Variants in KDM4C observed in about 807,000 individuals in gnomAD.
The protein encoded by KDM4C is lysine-specific demethylase 4C.
Under a neutral mutation model 129.3 loss-of-function variants are expected in KDM4C, and 81 were observed. That is an observed-to-expected ratio of 0.63 (90% CI 0.52 to 0.75). The LOEUF (loss-of-function observed/expected upper bound fraction) is 0.75, where lower values mean the gene tolerates loss of function less well. Ranked by LOEUF, KDM4C falls within the 30% of genes least tolerant of loss-of-function variation. KDM4C has a pLI of 0.00. For synonymous variants in KDM4C, 573 were observed against 456.1 expected (o/e 1.26, Z -3.26); for missense variants, 1,457 against 1,304.0 (o/e 1.12, Z -1.81).
At chr9:7,072,878 A>G (rs997415701) in intron 17 of KDM4C, among the ~76,000 whole-genome samples, 1 of 152,210 alleles carries the variant, frequency 6.6e-6, no homozygotes, top group Non-Finnish European at 1.5e-5. Context: ...CTTTTGATAC[A>G]TGTATACATT....
Position 6,932,990 on chromosome 9 carries a change from A to G in KDM4C, c.921+39758A>G, listed in dbSNP as rs1824043339. On this transcript the variant is annotated intron_variant, in intron 8 of 21. Transcript: ENST00000381309. Reference sequence around the variant, plus strand: ...GAGCTAATTTAAGAAAAAGCTGTTTATCTTATTGCTGCTTTTTAGGTTGTA... The same window carrying G: ...GAGCTAATTTAAGAAAAAGCTGTTTGTCTTATTGCTGCTTTTTAGGTTGTA... Among the ~76,000 whole-genome samples the G allele has an allele frequency of 3.9e-5, 6 of 152,280 alleles. No individual in the cohort carries two copies. In the South Asian group the frequency reaches 1.2e-3, roughly 32 times the overall value.
chr9:6,760,443 G>C (rs1374907544), intron 1 of KDM4C, among the ~76,000 whole-genome samples: 3 of 103,986 alleles, frequency 2.9e-5, no homozygotes, highest in Non-Finnish European at 1.9e-5. Flanking sequence ...CTCTACTCTT[G>C]GGTATATATA....
chr9:6,900,971 CTT>C (rs36055201), intron 8 of KDM4C, among the ~76,000 whole-genome samples: 1 of 77,002 alleles, frequency 1.3e-5, no homozygotes, highest in African/African-American at 2.9e-5. Context: ...CTTTAGGATT[CTT>C]TTTTTTTTTA....
chr9:7,095,092 G>A (rs994155347), intron 17 of KDM4C, among the ~76,000 whole-genome samples: 1 of 152,202 alleles, frequency 6.6e-6, no homozygotes. Context: ...CATCTAAACT[G>A]TTAAAAAATG....
At chr9:6,818,972 G>C (rs1187437462) in intron 4 of KDM4C, 1 of 152,106 alleles carries the variant, frequency 6.6e-6, no homozygotes, top group Admixed American at 6.6e-5. Context: ...TTGTAACCTG[G>C]CAAATGTTCA....
At chr9:6,867,322 A>G (rs529946963) in intron 5 of KDM4C, among the ~76,000 whole-genome samples, 4 of 152,258 alleles carry the variant, frequency 2.6e-5, no homozygotes, top group South Asian at 2.1e-4. Context: ...CCAGTGCTGC[A>G]TATTTGTTTT....
At chr9:7,065,234 C>A (rs1832260338) in intron 17 of KDM4C, among the ~76,000 whole-genome samples, 1 of 152,042 alleles carries the variant, frequency 6.6e-6, no homozygotes, top group African/African-American at 2.4e-5. Context: ...TGAAATGAAA[C>A]TTCCTTAAAA....
At chr9:6,997,561 G>T (rs756685252) in intron 12 of KDM4C, among the ~76,000 whole-genome samples, 1 of 152,236 alleles carries the variant, frequency 6.6e-6, no homozygotes, top group Non-Finnish European at 1.5e-5. Flanking sequence ...GGCGATTCAT[G>T]CCTCTGGGGC....
intron 8 of KDM4C, among the ~76,000 whole-genome samples, chr9:6,933,727 A>G (rs924033903): frequency 2.0e-5 from 3 of 152,224 alleles, no homozygotes; most frequent in African/African-American, 7.2e-5. Flanking sequence ...ATTTTAGTTA[A>G]GAACATGGAG....
intron 1 of KDM4C, among the ~76,000 whole-genome samples, chr9:6,777,578 T>C (rs977864944): frequency 2.0e-5 from 3 of 152,186 alleles, no homozygotes; most frequent in South Asian, 4.1e-4. Context: ...CCTTTACCTG[T>C]CTAAGACAAG....
At chr9:7,121,683 C>G (rs1839502561) in intron 18 of KDM4C, among the ~76,000 whole-genome samples, 1 of 152,106 alleles carries the variant, frequency 6.6e-6, no homozygotes, top group African/African-American at 2.4e-5. Flanking sequence ...TATCACCAGA[C>G]ATGCTCCAAA....
upstream of KDM4C, among the ~76,000 whole-genome samples, chr9:6,753,829 A>G (rs1818152792): frequency 6.6e-6 from 1 of 152,084 alleles, no homozygotes; most frequent in Admixed American, 6.6e-5. Context: ...GATAAAGGTA[A>G]AGGTAAATAA....
chr9:6,985,617 A>G (rs776075273), intron 10 of KDM4C, among the ~76,000 whole-genome samples: 11 of 152,228 alleles, frequency 7.2e-5, no homozygotes, highest in Non-Finnish European at 1.0e-4. Flanking sequence ...AAGGTAGGGA[A>G]GGGAATTACA....
rs200250958 is a variant in KDM4C at position 6,774,514 on chromosome 9, AAT to A, written c.-18+16312_-18+16313del. On this transcript the variant is annotated intron_variant, in intron 1 of 21. Transcript: ENST00000381309. ...ACCCTGTCTCTACTAAAAATACAAA[AAT>A]TAGCCAGGTGTGGTGGCACACACCC... is the stretch of plus-strand genomic sequence containing the variant. 6.8e-3 allele frequency among the ~76,000 whole-genome samples: 1,042 copies of A among 152,130 alleles called. 40 individuals are homozygous for A. Among genetic ancestry groups the A allele is most frequent in the Admixed American group, 0.054 (823 of 15,268 alleles).
chr9:6,954,806 C>G (rs773384790), intron 8 of KDM4C, among the ~76,000 whole-genome samples: 1 of 152,176 alleles, frequency 6.6e-6, no homozygotes, highest in African/African-American at 2.4e-5. Flanking sequence ...TACCCACTCC[C>G]TATTTCATGG....
At chr9:7,023,939 T>C (rs1205927861) in intron 15 of KDM4C, among the ~76,000 whole-genome samples, 1 of 152,250 alleles carries the variant, frequency 6.6e-6, no homozygotes, top group East Asian at 1.9e-4. Context: ...TTGTACATCT[T>C]CCAAAATTCT....
chr9:6,946,170 A>G (rs956395238), intron 8 of KDM4C, among the ~76,000 whole-genome samples: 11 of 152,290 alleles, frequency 7.2e-5, no homozygotes, highest in East Asian at 1.9e-4. Flanking sequence ...AATTGATACT[A>G]TACATGGAGA....
At chr9:6,927,948 T>TG (rs1822937625) in intron 8 of KDM4C, among the ~76,000 whole-genome samples, 1 of 151,836 alleles carries the variant, frequency 6.6e-6, no homozygotes. Context: ...TTTGAACTTT[T>TG]GGTATCATCC....
intron 17 of KDM4C, among the ~76,000 whole-genome samples, chr9:7,052,230 A>G (rs938244039): frequency 6.6e-6 from 1 of 152,218 alleles, no homozygotes; most frequent in African/African-American, 2.4e-5. Flanking sequence ...CAGCTACTAT[A>G]TACTTATTAA....
Sources: gnomAD v4.1 joint callset for allele counts (sites outside exome capture counted in the v4.1 genomes callset) on GRCh38, gnomAD v4.1.1 for gene constraint, MANE v1.5 for transcripts, NCBI Gene and HGNC (gene_info 2026-07-23, HGNC 2026-07-21) for gene names.